ARHGEF10: variants seen among roughly 807,000 people sequenced by gnomAD.
ARHGEF10 encodes the protein Rho guanine nucleotide exchange factor 10.
Under a neutral mutation model 147.4 loss-of-function variants are expected in ARHGEF10, and 140 were observed. The observed-to-expected ratio is 0.95, with a 90% CI of 0.83 to 1.09. The LOEUF (loss-of-function observed/expected upper bound fraction) is 1.09. Ranked by LOEUF, ARHGEF10 falls within the 50% of genes least tolerant of loss-of-function variation. ARHGEF10 has a pLI of 0.00. For synonymous variants in ARHGEF10, 902 were observed against 695.8 expected, an observed-to-expected ratio of 1.30 and a Z score of -4.67; for missense variants, 2,222 against 1,752.7, an observed-to-expected ratio of 1.27 and a Z score of -4.78.
chr8:1,830,071 G>A (rs576939696), intron 1 of ARHGEF10, among the ~76,000 whole-genome samples: 57 of 152,188 alleles, frequency 3.7e-4, no homozygotes, highest in Non-Finnish European at 6.9e-4. Context: ...GGCAGCTCCC[G>A]CTTGCTCTAA....
At position 1,897,481 on chromosome 8, in the gene ARHGEF10, C is replaced by T. The variant is rs1036931562; in HGVS notation, c.1558-952C>T. The stretch of plus-strand genomic sequence containing the variant: ...AGTTGTGGGCTCTGTCCTAAGGGAT[C>T]GGATCGCAGTTCCCCCTCTGGACAG... On this transcript the variant is annotated intron_variant, in intron 14 of 28. Coordinates refer to ENST00000349830, the MANE Select transcript of ARHGEF10 (RefSeq NM_014629.4). Among the ~76,000 whole-genome samples, 38 of 150,356 alleles carry T rather than the reference C, an allele frequency of 2.5e-4. 1 individual carries two copies. In the East Asian group the frequency reaches 6.7e-3, roughly 26 times the overall value.
chr8:1,938,613 G>A (rs905295170), intron 26 of ARHGEF10, among the ~76,000 whole-genome samples: 1 of 152,166 alleles, frequency 6.6e-6, no homozygotes, highest in Non-Finnish European at 1.5e-5. Flanking sequence ...GTTAATTCTT[G>A]TCATTGTGTA....
intron 1 of ARHGEF10, among the ~76,000 whole-genome samples, chr8:1,835,020 C>T (rs951425453): frequency 1.3e-5 from 2 of 152,254 alleles, no homozygotes; most frequent in African/African-American, 4.8e-5. Flanking sequence ...TCCGCCACAA[C>T]GCTCTGAGCT....
rs1409222633 is a variant in ARHGEF10, at chr8:1,957,186, A to T, written c.3958A>T (p.Arg1320Trp). Residue 1320 changes from arginine (R) to tryptophan (W), a missense_variant, in exon 29 of 29, where the codon AGG becomes TGG. Transcript: ENST00000349830. ...CGGQGHRRVHRKARQPHQEEL... is the reference protein window; with the variant it reads ...CGGQGHRRVHWKARQPHQEEL... ...AGGGCAGGGCCACCGCCGGGTGCACAGGAAGGCCCGGCAGCCCCACCAGGA... is the reference window on the plus strand; with the variant it reads ...AGGGCAGGGCCACCGCCGGGTGCACTGGAAGGCCCGGCAGCCCCACCAGGA... The T allele has an allele frequency of 6.2e-7, 1 of 1,612,552 alleles. No individual in the cohort carries two copies. Among genetic ancestry groups the T allele is most frequent in the Non-Finnish European group, 8.5e-7 (1 of 1,179,984 alleles).
In ARHGEF10 at chr8:1,826,557, G is replaced by A. The variant is rs977477554; in HGVS notation, c.-48+2444G>A. Among the ~76,000 whole-genome samples, 5 of 152,240 alleles carry A rather than the reference G, an allele frequency of 3.3e-5. No homozygotes were observed. The East Asian group carries it at 5.8e-4, about 18-fold the overall frequency. On this transcript the variant is annotated intron_variant, in intron 1 of 28. Transcript: ENST00000349830. ...GGCCCTGTGAGTCCAGACTTCTCAC[G>A]GGACTTGAGGGTGCTCACTTACGAA...
At chr8:1,850,125 G>T (rs1482990493) in intron 2 of ARHGEF10, among the ~76,000 whole-genome samples, 3 of 125,416 alleles carry the variant, frequency 2.4e-5, no homozygotes, top group Admixed American at 8.3e-5. Context: ...TGGACACAGA[G>T]GGCAAATGCT....
intron 1 of ARHGEF10, among the ~76,000 whole-genome samples, chr8:1,835,539 A>C (rs912473471): frequency 6.6e-6 from 1 of 152,186 alleles, no homozygotes; most frequent in Non-Finnish European, 1.5e-5. Context: ...ATGACAGCTC[A>C]TGCTAGCACG....
At chr8:1,938,857 C>T (rs1813839327) in intron 26 of ARHGEF10, among the ~76,000 whole-genome samples, 1 of 152,104 alleles carries the variant, frequency 6.6e-6, no homozygotes, top group African/African-American at 2.4e-5. Flanking sequence ...CCCAGAAAAT[C>T]TGAACACTGT....
At chr8:1,854,871 G>A (rs1452791613) in intron 2 of ARHGEF10, among the ~76,000 whole-genome samples, 1 of 152,144 alleles carries the variant, frequency 6.6e-6, no homozygotes, top group South Asian at 2.1e-4. Context: ...TGCCGGCTCC[G>A]AGAACGCATG....
At chr8:1,934,385 A>C (rs1813406556) in intron 26 of ARHGEF10, among the ~76,000 whole-genome samples, 1 of 151,922 alleles carries the variant, frequency 6.6e-6, no homozygotes, top group African/African-American at 2.4e-5. Flanking sequence ...AAAGGGAAAG[A>C]AAATTCCTTC....
intron 18 of ARHGEF10, among the ~76,000 whole-genome samples, chr8:1,915,411 A>G (rs927642247): frequency 3.3e-5 from 5 of 152,242 alleles, no homozygotes; most frequent in Non-Finnish European, 7.3e-5. Flanking sequence ...ATGAGAGCCC[A>G]TTAAGGAAGC....
At chr8:1,935,481 T>C (rs1262804454) in intron 26 of ARHGEF10, among the ~76,000 whole-genome samples, 1 of 149,512 alleles carries the variant, frequency 6.7e-6, no homozygotes, top group Non-Finnish European at 1.5e-5. Context: ...CGGCAACCAC[T>C]GGTCTTCAGG....
rs1035614605 is a variant in ARHGEF10 at position 1,937,281 on chromosome 8, C to T, written c.3222+3339C>T. 6.6e-6 allele frequency among the ~76,000 whole-genome samples: 1 copy of T among 152,294 alleles called. No individual in the cohort carries two copies. The highest frequency in any genetic ancestry group is 2.4e-5 in the African/African-American group (1 of 41,566). ...TAGCTAGTGCGGCCATGCAGGGTAGCCCCGTGGATGCGGTCACAGCTTCTT... is the reference window on the plus strand; with the variant it reads ...TAGCTAGTGCGGCCATGCAGGGTAGTCCCGTGGATGCGGTCACAGCTTCTT... On this transcript the variant is annotated intron_variant, in intron 26 of 28. Transcript: ENST00000349830. The surrounding 1 kb of genome is among the most constrained non-coding windows in gnomAD (Gnocchi z 4.9).
chr8:1,862,356 AT>A (rs1326435913), intron 4 of ARHGEF10, among the ~76,000 whole-genome samples: 9 of 152,252 alleles, frequency 5.9e-5, no homozygotes, highest in African/African-American at 2.2e-4. Flanking sequence ...GGATGACCAG[AT>A]TCCGTTATTT....
intron 1 of ARHGEF10, among the ~76,000 whole-genome samples, chr8:1,831,608 A>G (rs66477940): frequency 0.37 from 40,707 of 110,460 alleles, 9,314 homozygotes; most frequent in Middle Eastern, 0.49. Flanking sequence ...GGACAGTGGC[A>G]GCCGTGGAGG....
Position 1,923,568 on chromosome 8 carries a change from A to C in ARHGEF10, c.2360A>C (p.Gln787Pro). Residue 787 changes from glutamine (Q) to proline (P), a missense_variant, in exon 20 of 29, where the codon CAG becomes CCG. Gln to Pro is a moderately conservative substitution (Grantham distance 76). Coordinates refer to ENST00000349830, the MANE Select transcript of ARHGEF10 (RefSeq NM_014629.4). ...EIRAADCCRI[Q>P]LQLPGKQDKS... ...AGAGCTGCGGACTGCTGCAGAATTC[A>C]GTTACAGCTTCCCGGGAAGCAGGAC... 1.2e-6 allele frequency: 2 copies of C among 1,614,146 alleles called. No individual in the cohort carries two copies. The highest frequency in any genetic ancestry group is 1.7e-6 in the Non-Finnish European group (2 of 1,180,046).
At chr8:1,910,446 A>G (rs1811273382) in intron 18 of ARHGEF10, among the ~76,000 whole-genome samples, 1 of 152,196 alleles carries the variant, frequency 6.6e-6, no homozygotes, top group South Asian at 2.1e-4. Context: ...TAATTCGTCA[A>G]GCATATTATT....
chr8:1,923,125 A>G, intron 19 of ARHGEF10, 46 bp downstream of exon 19: 1 of 1,349,286 alleles, frequency 7.4e-7, no homozygotes, highest in Non-Finnish European at 1.1e-6. Context: ...TTTACTTATA[A>G]GTCATTGTAA....
intron 18 of ARHGEF10, 26 bp downstream of exon 18, chr8:1,909,496 G>T: frequency 6.2e-7 from 1 of 1,612,826 alleles, no homozygotes; most frequent in Non-Finnish European, 8.5e-7. Flanking sequence ...TCTCACGTTC[G>T]TGCCGTGGGG....
Sources: allele counts gnomAD v4.1 joint callset (sites outside exome capture counted in the v4.1 genomes callset), GRCh38; gene constraint gnomAD v4.1.1; non-coding constraint Gnocchi (gnomAD v3.1); transcripts MANE v1.5; gene names NCBI Gene and HGNC (gene_info 2026-07-23, HGNC 2026-07-21).